MYO9A: variants seen among roughly 807,000 people sequenced by gnomAD.
MYO9A encodes the protein myosin IXA, also known as unconventional myosin-IXa.
MYO9A carries 103 observed loss-of-function variants against 293.3 expected under a neutral mutation model. The observed-to-expected ratio is 0.35, with a 90% CI of 0.30 to 0.41. The LOEUF is 0.41. Ranked by LOEUF, MYO9A falls within the 10% of genes least tolerant of loss-of-function variation. The pLI is 1.00. For synonymous variants in MYO9A, 1,001 were observed against 1,035.7 expected (o/e 0.97, Z 0.64); for missense variants, 2,685 against 3,033.0 (o/e 0.89, Z 2.69).
intron 32 of MYO9A, among the ~76,000 whole-genome samples, chr15:71,871,459 T>C (rs577236788): frequency 6.7e-6 from 1 of 149,290 alleles, no homozygotes; most frequent in South Asian, 2.1e-4. Context: ...CTTTGGGAGG[T>C]TGAGGTAGGT....
chr15:71,892,168 C>A (rs1204427479), intron 26 of MYO9A: 1 of 152,130 alleles, frequency 6.6e-6, no homozygotes, highest in Non-Finnish European at 1.5e-5. Flanking sequence ...CACATATACA[C>A]CTGATTTGGG....
intron 1 of MYO9A, among the ~76,000 whole-genome samples, chr15:72,102,634 C>T (rs543726131): frequency 1.3e-5 from 2 of 151,746 alleles, no homozygotes; most frequent in South Asian, 4.2e-4. Context: ...CAAAAAAATC[C>T]AAGAAAATTC....
At chr15:71,863,553 A>C (rs2056223144) in intron 32 of MYO9A, among the ~76,000 whole-genome samples, 1 of 152,184 alleles carries the variant, frequency 6.6e-6, no homozygotes, top group South Asian at 2.1e-4. Context: ...TCTCACATCT[A>C]CTACTGCACT....
At chr15:71,979,915 T>C (rs2076231552) in intron 11 of MYO9A, among the ~76,000 whole-genome samples, 1 of 152,230 alleles carries the variant, frequency 6.6e-6, no homozygotes, top group Non-Finnish European at 1.5e-5. Context: ...CAGGTGATGC[T>C]GATGCTATTA....
chr15:72,035,802 C>T (rs886366275), intron 2 of MYO9A, among the ~76,000 whole-genome samples: 5 of 151,874 alleles, frequency 3.3e-5, no homozygotes, highest in African/African-American at 1.2e-4. Context: ...GAAACCCGGG[C>T]CTCAAAAAAA....
chr15:71,852,231 T>C lies in MYO9A; in HGVS notation c.6376A>G (p.Asn2126Asp). 6.2e-7 allele frequency: 1 copy of C among 1,612,586 alleles called. No homozygotes were observed. The highest frequency in any genetic ancestry group is 8.5e-7 in the Non-Finnish European group (1 of 1,178,836). The change falls in exon 36 of 42, where the codon AAC becomes GAC. Residue 2126 changes from asparagine (N) to aspartate (D), a missense_variant. Transcript: ENST00000356056. Reference protein sequence around the residue: ...DAESVNLDDYNIHVIASVFKQ... With the variant: ...DAESVNLDDYDIHVIASVFKQ... ...AATACACTTGCAATGACGTGTATGT[T>C]ATAGTCATCTAGATTTACACTCTCA...
intron 1 of MYO9A, among the ~76,000 whole-genome samples, chr15:72,091,518 A>C (rs1490647798): frequency 1.3e-5 from 2 of 152,146 alleles, no homozygotes; most frequent in Non-Finnish European, 2.9e-5. Flanking sequence ...GATCATAAAT[A>C]AGCTTCTGAA....
chr15:72,066,834 T>G (rs574395675), intron 1 of MYO9A, among the ~76,000 whole-genome samples: 1 of 151,662 alleles, frequency 6.6e-6, no homozygotes, highest in Non-Finnish European at 1.5e-5. Flanking sequence ...GGTTGCACCA[T>G]TGCTCTCCAG....
At chr15:72,013,508 A>C (rs1482072820) in intron 6 of MYO9A, among the ~76,000 whole-genome samples, 1 of 152,222 alleles carries the variant, frequency 6.6e-6, no homozygotes, top group Non-Finnish European at 1.5e-5. Flanking sequence ...AACCCCTTCC[A>C]CTGAAAGAAC....
chr15:71,981,728 T>C (rs998318159), intron 11 of MYO9A, among the ~76,000 whole-genome samples: 1 of 151,984 alleles, frequency 6.6e-6, no homozygotes. Flanking sequence ...GTATTACTTT[T>C]GGTTTGGTTG....
At chr15:71,861,573 TC>T (rs2056124596) in intron 33 of MYO9A, among the ~76,000 whole-genome samples, 1 of 147,568 alleles carries the variant, frequency 6.8e-6, no homozygotes, top group African/African-American at 2.5e-5. Context: ...TCTAATTTAT[TC>T]ATTTATCCAT....
At chr15:72,058,933 GTTA>G (rs1352437546) in intron 1 of MYO9A, among the ~76,000 whole-genome samples, 1 of 152,118 alleles carries the variant, frequency 6.6e-6, no homozygotes, top group African/African-American at 2.4e-5. Flanking sequence ...TCTGCAGTGT[GTTA>G]TTAAAATTTA....
At chr15:71,831,876 G>A (rs1362999565) in intron 39 of MYO9A, among the ~76,000 whole-genome samples, 4 of 152,286 alleles carry the variant, frequency 2.6e-5, no homozygotes, top group Non-Finnish European at 5.9e-5. Context: ...TAACCATGCT[G>A]AAGGAGACAG....
chr15:71,981,936 A>G (rs2147996677), intron 11 of MYO9A, among the ~76,000 whole-genome samples: 1 of 147,834 alleles, frequency 6.8e-6, no homozygotes, highest in South Asian at 2.2e-4. Flanking sequence ...CATTTCCCAT[A>G]GTTTTAATAT....
At chr15:71,947,917 T>G (rs926321934) in intron 15 of MYO9A, among the ~76,000 whole-genome samples, 3 of 152,214 alleles carry the variant, frequency 2.0e-5, no homozygotes, top group African/African-American at 7.2e-5. Flanking sequence ...CTCCTGTCAT[T>G]TCTGGAAGTG....
intron 1 of MYO9A, among the ~76,000 whole-genome samples, chr15:72,062,602 G>C (rs1333906180): frequency 6.6e-6 from 1 of 152,120 alleles, no homozygotes; most frequent in African/African-American, 2.4e-5. Context: ...TGGTCAAGCA[G>C]GAGAAACAAT....
In MYO9A at chr15:72,029,263, C is replaced by T. The variant is rs140758158; in HGVS notation, c.936-1470G>A. 6.6e-5 allele frequency among the ~76,000 whole-genome samples: 10 copies of T among 152,296 alleles called. No individual in the cohort carries two copies. In the East Asian group the frequency reaches 7.7e-4, roughly 12 times the overall value. On this transcript the variant is annotated intron_variant, in intron 3 of 41. Transcript: ENST00000356056. ...CAACTTCAGGGAAAACAATTAGTTA[C>T]GTATCACTTAACTACAGAGGTACAT...
At chr15:72,019,770 G>A (rs890427453) in intron 5 of MYO9A, among the ~76,000 whole-genome samples, 4 of 151,896 alleles carry the variant, frequency 2.6e-5, no homozygotes, top group African/African-American at 4.8e-5. Context: ...TTTTTTTTGA[G>A]ACGGAGTCTC....
At chr15:71,953,703 C>T (rs963209856) in intron 14 of MYO9A, 2 of 151,918 alleles carry the variant, frequency 1.3e-5, no homozygotes, top group East Asian at 1.9e-4. Flanking sequence ...GCTTTCTATA[C>T]CTTTTTACAG....
Sources: gnomAD v4.1 joint callset for allele counts (sites outside exome capture counted in the v4.1 genomes callset) on GRCh38, gnomAD v4.1.1 for gene constraint, MANE v1.5 for transcripts, NCBI Gene and HGNC (gene_info 2026-07-23, HGNC 2026-07-21) for gene names.